The following FBN1 variants were observed in gnomAD, a reference collection of about 807,000 sequenced individuals.
The protein encoded by FBN1 is fibrillin 1.
In FBN1, 29 loss-of-function variants were observed where a neutral mutation model predicts 365.1. The observed-to-expected ratio is 0.08, with a 90% confidence interval of 0.06 to 0.11. The LOEUF is 0.11. Among genes scored for constraint, FBN1 ranks in the 10% least tolerant of loss-of-function variants. FBN1 has a pLI of 1.00. For missense variants in FBN1, 2,476 were observed against 3,703.2 expected (o/e 0.67, Z 8.60); for synonymous variants, 1,210 against 1,270.5 (o/e 0.95, Z 1.01).
intron 23 of FBN1, 46 bp from the exon 24 acceptor site, chr15:48,492,632 C>A: frequency 7.4e-7 from 1 of 1,345,600 alleles, no homozygotes; most frequent in Non-Finnish European, 1.0e-6. Context: ...TTTATAATAT[C>A]ATTCTACCTT....
chr15:48,415,524 A>G lies in FBN1; in HGVS notation c.8051+12T>C. 1 of 1,582,872 alleles carries G rather than the reference A, an allele frequency of 6.3e-7. No individual in the cohort carries two copies. The highest frequency in any genetic ancestry group is 8.7e-7 in the Non-Finnish European group (1 of 1,151,578). On this transcript the variant is annotated intron_variant, in intron 64 of 65. Coordinates refer to ENST00000316623, the MANE Select transcript of FBN1 (RefSeq NM_000138.5). ...AGAATCTCCAACCATGACCAGGAAG[A>G]GCACTGCTTACCCTTGGCCTATGCG...
intron 19 of FBN1, 130 bp from the exon 20 acceptor site, chr15:48,496,355 A>C: frequency 9.0e-7 from 1 of 1,115,308 alleles, no homozygotes; most frequent in Non-Finnish European, 1.3e-6. Context: ...AAACTCCTGT[A>C]GCATTAGCTT....
intron 2 of FBN1, 91 bp from the exon 3 acceptor site, chr15:48,613,183 A>G (rs2044670699): frequency 3.1e-6 from 3 of 976,196 alleles, no homozygotes. Context: ...CCTGAGTTAT[A>G]AAAGCAAGAT....
intron 32 of FBN1, among the ~76,000 whole-genome samples, chr15:48,477,564 T>C (rs555362199): frequency 4.6e-5 from 7 of 152,306 alleles, no homozygotes; most frequent in Admixed American, 2.6e-4. Context: ...ATTAATTGTT[T>C]CTGTGGCAGA....
rs553799184 is a variant in FBN1, at chr15:48,440,273, T to C, written c.6163+1448A>G. Among the ~76,000 whole-genome samples, 7 of 152,320 alleles carry C rather than the reference T, an allele frequency of 4.6e-5. No homozygotes were observed. In the East Asian group the frequency reaches 1.2e-3, roughly 25 times the overall value. On this transcript the variant is annotated intron_variant, in intron 50 of 65. Coordinates refer to ENST00000316623, the MANE Select transcript of FBN1 (RefSeq NM_000138.5). Reference sequence around the variant, plus strand: ...ATTCCTCAGTTCTGGCTCTGCCTCCTGGAGCTGAGCATGTGGCAGGGCTGC... The same window carrying C: ...ATTCCTCAGTTCTGGCTCTGCCTCCCGGAGCTGAGCATGTGGCAGGGCTGC...
chr15:48,451,196 A>C (rs572928901), intron 45 of FBN1, among the ~76,000 whole-genome samples: 2 of 152,336 alleles, frequency 1.3e-5, no homozygotes, highest in South Asian at 4.1e-4. Flanking sequence ...CCTGAGTGTG[A>C]AATGGTGTGA....
At chr15:48,607,082 A>T (rs2044618930) in intron 4 of FBN1, among the ~76,000 whole-genome samples, 1 of 152,166 alleles carries the variant, frequency 6.6e-6, no homozygotes, top group African/African-American at 2.4e-5. Flanking sequence ...GTTGTTTATA[A>T]GTTATCCAGT....
At chr15:48,626,454 A>G (rs1016583214) in intron 2 of FBN1, among the ~76,000 whole-genome samples, 1 of 152,160 alleles carries the variant, frequency 6.6e-6, no homozygotes, top group African/African-American at 2.4e-5. Context: ...ATAGCTACAA[A>G]AGCTTCAGAG....
chr15:48,607,081 A>G (rs1204364184), intron 4 of FBN1, among the ~76,000 whole-genome samples: 1 of 152,170 alleles, frequency 6.6e-6, no homozygotes, highest in Non-Finnish European at 1.5e-5. Flanking sequence ...TGTTGTTTAT[A>G]AGTTATCCAG....
chr15:48,634,232 T>C (rs903155893), intron 2 of FBN1, among the ~76,000 whole-genome samples: 1 of 152,222 alleles, frequency 6.6e-6, no homozygotes, highest in African/African-American at 2.4e-5. Context: ...CATCAAACTT[T>C]ACATAGTACC....
At chr15:48,540,955 T>A (rs909737538) in intron 6 of FBN1, among the ~76,000 whole-genome samples, 1 of 152,168 alleles carries the variant, frequency 6.6e-6, no homozygotes, top group Non-Finnish European at 1.5e-5. Context: ...ATATGAGGAT[T>A]GCCAAGGTTC....
intron 24 of FBN1, among the ~76,000 whole-genome samples, chr15:48,491,013 G>A (rs1254620471): frequency 6.6e-6 from 1 of 152,134 alleles, no homozygotes; most frequent in African/African-American, 2.4e-5. Flanking sequence ...GAAAGTTTTT[G>A]AAGTCTTTAT....
intron 6 of FBN1, among the ~76,000 whole-genome samples, chr15:48,559,225 T>G (rs928645789): frequency 1.3e-5 from 2 of 152,178 alleles, no homozygotes; most frequent in African/African-American, 4.8e-5. Flanking sequence ...CCTTTGACAA[T>G]TTATTGGCTA....
At chr15:48,473,888 A>C (rs548584910) in intron 34 of FBN1, among the ~76,000 whole-genome samples, 1 of 152,224 alleles carries the variant, frequency 6.6e-6, no homozygotes, top group Non-Finnish European at 1.5e-5. Context: ...CATTATATAC[A>C]GTCATATAAT....
At position 48,420,833 on chromosome 15, in the gene FBN1, T is replaced by A. The variant is rs768855504; in HGVS notation, c.7700-27A>T. The A allele has an allele frequency of 2.5e-6, 4 of 1,612,570 alleles. No homozygotes were observed. The East Asian group carries it at 6.7e-5, about 27-fold the overall frequency. On this transcript the variant is annotated intron_variant, in intron 62 of 65. Transcript: ENST00000316623. ...TGAAAAAGAAGCAGAGCCACCATGA[T>A]GCCAACTCAACATCTCTCTCTGAAG...
chr15:48,437,588 C>T, intron 51 of FBN1, 180 bp downstream of exon 51: 1 of 816,960 alleles, frequency 1.2e-6, no homozygotes, highest in Non-Finnish European at 2.0e-6. Context: ...TGATTCATGA[C>T]ATAATTAAAA....
chr15:48,449,550 A>G (rs1030404956), intron 45 of FBN1, among the ~76,000 whole-genome samples: 3 of 152,176 alleles, frequency 2.0e-5, no homozygotes, highest in Admixed American at 6.6e-5. Flanking sequence ...TAAGTTCTAA[A>G]TTATATTTAT....
At chr15:48,464,996 C>T (rs1368973938) in intron 40 of FBN1, among the ~76,000 whole-genome samples, 1 of 152,190 alleles carries the variant, frequency 6.6e-6, no homozygotes, top group Non-Finnish European at 1.5e-5. Context: ...CTTTCCTAAA[C>T]AATTGTGTGA....
chr15:48,589,797 G>A (rs1035828636), intron 6 of FBN1, among the ~76,000 whole-genome samples: 2 of 151,642 alleles, frequency 1.3e-5, no homozygotes, highest in Non-Finnish European at 2.9e-5. Context: ...TTTTCTATTT[G>A]TAGTAGAGAC....
Sources: gnomAD v4.1 joint callset for allele counts (sites outside exome capture counted in the v4.1 genomes callset) on GRCh38, gnomAD v4.1.1 for gene constraint, MANE v1.5 for transcripts, NCBI Gene and HGNC (gene_info 2026-07-23, HGNC 2026-07-21) for gene names.